The following WWTR1 variants were observed in gnomAD, a reference collection of about 807,000 sequenced individuals.
The protein encoded by WWTR1 is WW domain-containing transcription regulator protein 1.
WWTR1 carries 13 observed loss-of-function variants against 40.1 expected under a neutral mutation model. The ratio of observed to expected loss-of-function variants is 0.32; its 90% CI spans 0.21 to 0.52. The LOEUF is 0.52. WWTR1 is among the 20% of genes least tolerant of loss of function. WWTR1 has a pLI of 0.97. For missense variants in WWTR1, 436 were observed against 523.1 expected (o/e 0.83, Z 1.63); for synonymous variants, 230 against 210.1 (o/e 1.09, Z -0.82).
intron 2 of WWTR1, among the ~76,000 whole-genome samples, chr3:149,633,773 C>T (rs140107702): frequency 6.6e-6 from 1 of 152,124 alleles, no homozygotes; most frequent in Non-Finnish European, 1.5e-5. Context: ...AGTGAGGGTG[C>T]TCCAGGGAAG....
At chr3:149,611,184 C>G (rs115621567) in intron 2 of WWTR1, among the ~76,000 whole-genome samples, 1 of 151,438 alleles carries the variant, frequency 6.6e-6, no homozygotes, top group African/African-American at 2.4e-5. Flanking sequence ...TTTTTAAAAA[C>G]TTTTTTTTTA....
intron 2 of WWTR1, among the ~76,000 whole-genome samples, chr3:149,667,977 A>T (rs1258002048): frequency 6.6e-6 from 1 of 152,222 alleles, no homozygotes; most frequent in Non-Finnish European, 1.5e-5. Context: ...TTCCTAAAAA[A>T]TTCTGTAACT....
upstream of WWTR1, among the ~76,000 whole-genome samples, chr3:149,660,840 T>C (rs539692028): frequency 1.3e-5 from 2 of 152,380 alleles, no homozygotes; most frequent in East Asian, 3.8e-4. Flanking sequence ...TCTGCTACAT[T>C]ATGCAAGTAG....
In WWTR1 at chr3:149,594,950, C is replaced by CTTT. The variant is rs563658190; in HGVS notation, c.432-21953_432-21951dup. Among the ~76,000 whole-genome samples the CTTT allele has an allele frequency of 3.6e-3, 225 of 61,780 alleles. 21 individuals carry two copies. The highest frequency in any genetic ancestry group is 5.2e-3 in the Non-Finnish European group (152 of 29,046). 40.5% of individuals were successfully genotyped at this position (61,780 alleles called of 152,430 possible). On this transcript the variant is annotated intron_variant, in intron 2 of 6. Transcript: ENST00000360632. ...CATATTGCCTATAACCTCTTTTTTA[C>CTTT]TTTTTTTTTTTTTTTTTTTTTTTTT... is the stretch of plus-strand genomic sequence containing the variant.
upstream of WWTR1, chr3:149,661,442 G>A (rs1464521397): frequency 1.4e-5 from 2 of 147,652 alleles, no homozygotes; most frequent in Non-Finnish European, 3.0e-5. Flanking sequence ...TTTTTTCTCA[G>A]ACAGGGTTTC....
At chr3:149,638,047 C>G (rs1334004746) in intron 2 of WWTR1, among the ~76,000 whole-genome samples, 2 of 152,054 alleles carry the variant, frequency 1.3e-5, no homozygotes, top group African/African-American at 4.8e-5. Flanking sequence ...GAAACCCCGT[C>G]TCTACTAAAT....
chr3:149,543,882 C>T (rs1328369178), intron 3 of WWTR1, among the ~76,000 whole-genome samples: 1 of 149,986 alleles, frequency 6.7e-6, no homozygotes, highest in Admixed American at 6.7e-5. Context: ...GTATCATTAA[C>T]TTTAAAACAT....
At chr3:149,670,947 A>G (rs1335286798) in intron 1 of WWTR1, 1 of 152,174 alleles carries the variant, frequency 6.6e-6, no homozygotes, top group Non-Finnish European at 1.5e-5. Context: ...GTGGCTGGTT[A>G]TGTAAATGAG....
upstream of WWTR1, among the ~76,000 whole-genome samples, chr3:149,704,816 C>T (rs200860082): frequency 1.1e-4 from 16 of 149,780 alleles, no homozygotes; most frequent in Non-Finnish European, 2.1e-4. Context: ...AAAGCCCCTA[C>T]CAAAGAAGAG....
intron 2 of WWTR1, among the ~76,000 whole-genome samples, chr3:149,623,000 G>C (rs1220965196): frequency 6.6e-6 from 1 of 152,078 alleles, no homozygotes. Context: ...AATAGCCTTG[G>C]ATTCAGTAAT....
intron 1 of WWTR1, among the ~76,000 whole-genome samples, chr3:149,698,699 C>T (rs1166202026): frequency 6.6e-6 from 1 of 152,212 alleles, no homozygotes; most frequent in Non-Finnish European, 1.5e-5. Flanking sequence ...AGGAGGAAAC[C>T]ATCAAGCCTT....
At chr3:149,594,253 C>T (rs1244565360) in intron 2 of WWTR1, among the ~76,000 whole-genome samples, 2 of 152,190 alleles carry the variant, frequency 1.3e-5, no homozygotes, top group Non-Finnish European at 2.9e-5. Flanking sequence ...GAAATTAAGA[C>T]TGTGGTCAGG....
chr3:149,582,515 T>C (rs566261840), intron 2 of WWTR1, among the ~76,000 whole-genome samples: 2 of 151,194 alleles, frequency 1.3e-5, no homozygotes, highest in Non-Finnish European at 2.9e-5. Flanking sequence ...TGCTTGAGCA[T>C]AGGAGTTCAA....
chr3:149,583,051 C>T lies in WWTR1; in HGVS notation c.432-10051G>A, dbSNP rs139288788. On this transcript the variant is annotated intron_variant, in intron 2 of 6. Transcript: ENST00000360632. Reference sequence around the variant, plus strand: ...CACAATCTTGGTTCACTGCAACCTCCGCCCCTCAGGTTCAAGCGATTCTCC... The same window carrying T: ...CACAATCTTGGTTCACTGCAACCTCTGCCCCTCAGGTTCAAGCGATTCTCC... 3.6e-3 allele frequency among the ~76,000 whole-genome samples: 551 copies of T among 152,246 alleles called. 3 individuals carry two copies. The highest frequency in any genetic ancestry group is 0.013 in the African/African-American group (522 of 41,538).
chr3:149,647,122 A>C (rs1430386678), intron 2 of WWTR1, among the ~76,000 whole-genome samples: 1 of 152,216 alleles, frequency 6.6e-6, no homozygotes, highest in Non-Finnish European at 1.5e-5. Context: ...GGATATCTAC[A>C]TTGATACATG....
At chr3:149,675,367 C>T (rs1714227391) in intron 1 of WWTR1, among the ~76,000 whole-genome samples, 1 of 152,206 alleles carries the variant, frequency 6.6e-6, no homozygotes, top group Non-Finnish European at 1.5e-5. Flanking sequence ...TCTGCTTCAT[C>T]TGAACATTGG....
intron 2 of WWTR1, among the ~76,000 whole-genome samples, chr3:149,626,510 T>TAAA (rs201199010): frequency 1.4e-5 from 2 of 140,874 alleles, no homozygotes; most frequent in African/African-American, 5.2e-5. Context: ...CTATAGTATG[T>TAAA]AAAAAAAAAA....
chr3:149,594,436 T>A (rs1738880925), intron 2 of WWTR1, among the ~76,000 whole-genome samples: 1 of 152,224 alleles, frequency 6.6e-6, no homozygotes, highest in South Asian at 2.1e-4. Flanking sequence ...TACTGGATAT[T>A]AAATAATATT....
At chr3:149,722,931 A>C (rs1715788101) in intron 4 of WWTR1, among the ~76,000 whole-genome samples, 2 of 151,858 alleles carry the variant, frequency 1.3e-5, no homozygotes, top group African/African-American at 4.8e-5. Context: ...ATTGACTTTC[A>C]CCACATCCTC....
Sources: allele counts gnomAD v4.1 joint callset (sites outside exome capture counted in the v4.1 genomes callset), GRCh38; gene constraint gnomAD v4.1.1; transcripts MANE v1.5; gene names NCBI Gene and HGNC (gene_info 2026-07-23, HGNC 2026-07-21).